The following CDC42BPA variants were observed in gnomAD, a reference collection of about 807,000 sequenced individuals.
CDC42BPA encodes the protein serine/threonine-protein kinase MRCK alpha.
CDC42BPA carries 80 observed loss-of-function variants against 223.5 expected under a neutral mutation model. That is an observed-to-expected ratio of 0.36 (90% CI 0.30 to 0.43). The LOEUF (loss-of-function observed/expected upper bound fraction) is 0.43, where lower values mean the gene tolerates loss of function less well. Among genes scored for constraint, CDC42BPA ranks in the 20% least tolerant of loss-of-function variants. CDC42BPA has a pLI of 1.00. For missense variants in CDC42BPA, 1,743 were observed against 2,099.9 expected (o/e 0.83, Z 3.32); for synonymous variants, 694 against 718.6 (o/e 0.97, Z 0.55).
At chr1:227,078,804 C>A (rs1400413623) in intron 17 of CDC42BPA, among the ~76,000 whole-genome samples, 1 of 152,086 alleles carries the variant, frequency 6.6e-6, no homozygotes, top group Non-Finnish European at 1.5e-5. Flanking sequence ...TTGAGCATTA[C>A]CTCATTTTTC....
chr1:227,238,049 A>G (rs1017639122), intron 2 of CDC42BPA, among the ~76,000 whole-genome samples: 3 of 151,360 alleles, frequency 2.0e-5, no homozygotes, highest in African/African-American at 7.3e-5. Context: ...AAAAAAAAAA[A>G]AAAAAAAAAA....
intron 34 of CDC42BPA, among the ~76,000 whole-genome samples, chr1:227,014,943 C>T (rs759055701): frequency 3.9e-5 from 6 of 152,120 alleles, no homozygotes; most frequent in Non-Finnish European, 7.4e-5. Context: ...ATTGTTAAAA[C>T]AGAATAGTTC....
chr1:227,310,839 ACC>A (rs1456556300), intron 1 of CDC42BPA, among the ~76,000 whole-genome samples: 2 of 145,786 alleles, frequency 1.4e-5, no homozygotes, highest in African/African-American at 5.1e-5. Context: ...GGCACCCGTC[ACC>A]GCGCCCGGCT....
chr1:227,064,118 C>T (rs1676494351), intron 21 of CDC42BPA, among the ~76,000 whole-genome samples: 1 of 152,136 alleles, frequency 6.6e-6, no homozygotes, highest in Admixed American at 6.6e-5. Context: ...GATACTATCT[C>T]TGTTTCTCTG....
At chr1:227,270,016 G>C (rs1422377051) in intron 1 of CDC42BPA, among the ~76,000 whole-genome samples, 1 of 152,046 alleles carries the variant, frequency 6.6e-6, no homozygotes, top group Non-Finnish European at 1.5e-5. Context: ...TGAAAAACTG[G>C]AAACTACCTA....
At position 227,100,980 on chromosome 1, in the gene CDC42BPA, T is replaced by C. The variant is rs772085386; in HGVS notation, c.2249+12A>G. On this transcript the variant is annotated intron_variant, in intron 15 of 36. Transcript: ENST00000366766. ...TAAGTATTTACTGTATAGTAAATAA[T>C]GTGATTCTTACCTTTCTCTTCTGGT... 1.4e-6 allele frequency: 2 copies of C among 1,427,632 alleles called. No individual in the cohort carries two copies. Among genetic ancestry groups the C allele is most frequent in the South Asian group, 1.2e-5 (1 of 83,488 alleles). The allele number at this position is 1,427,632 out of a possible 1,614,324, so 88.4% of individuals were successfully genotyped here.
intron 22 of CDC42BPA, among the ~76,000 whole-genome samples, chr1:227,048,752 A>AG (rs1553313426): frequency 0.18 from 17,957 of 99,806 alleles, 1,475 homozygotes; most frequent in South Asian, 0.42. Context: ...CAAAGTAGTG[A>AG]GAAAAAAAAA....
intron 15 of CDC42BPA, among the ~76,000 whole-genome samples, chr1:227,096,948 G>C (rs1316622949): frequency 6.6e-6 from 1 of 152,026 alleles, no homozygotes; most frequent in Non-Finnish European, 1.5e-5. Context: ...CTCAACAAGA[G>C]AGCTCAACAC....
chr1:227,256,938 T>TACACACAC (rs1442280387), intron 1 of CDC42BPA, among the ~76,000 whole-genome samples: 2,547 of 119,930 alleles, frequency 0.021, 35 homozygotes, highest in Middle Eastern at 0.041. Context: ...AAATGTGATA[T>TACACACAC]ATATATACAG....
chr1:227,148,214 G>T (rs72750202), intron 6 of CDC42BPA, among the ~76,000 whole-genome samples: 25,798 of 152,026 alleles, frequency 0.17, 2,334 homozygotes, highest in Non-Finnish European at 0.19. Context: ...CAGCACTTTG[G>T]GAAGCCAATG....
intron 10 of CDC42BPA, 107 bp from the exon 11 acceptor site, chr1:227,129,338 A>C (rs1656504338): frequency 2.4e-6 from 2 of 826,226 alleles, no homozygotes; most frequent in South Asian, 3.5e-5. Context: ...TTTATAGAAC[A>C]AAACATCTAC....
Position 227,080,898 on chromosome 1 carries a change from A to G in CDC42BPA, c.2475T>C (p.Ile825=). 2 of 1,613,640 alleles carry G rather than the reference A, an allele frequency of 1.2e-6. No individual in the cohort carries two copies. The highest frequency in any genetic ancestry group is 2.2e-5 in the East Asian group (1 of 44,814). ...ACGTTTAAAAGAGCACTCACCACTG[A>G]ATTATTTCTGTGATTTGGGCTTCCC... ...AHWEAQITEI[I]QWVSDEKDAR... The change falls in exon 17 of 37, where the codon ATT becomes ATC. Residue 825 remains isoleucine, a synonymous_variant. Transcript: ENST00000366766.
chr1:227,050,724 C>G (rs1336130096), intron 22 of CDC42BPA, among the ~76,000 whole-genome samples: 1 of 152,024 alleles, frequency 6.6e-6, no homozygotes, highest in East Asian at 1.9e-4. Context: ...ACATAATAAG[C>G]ACTACTATGT....
At chr1:227,016,656 C>T (rs946947520) in intron 33 of CDC42BPA, among the ~76,000 whole-genome samples, 2 of 138,218 alleles carry the variant, frequency 1.4e-5, no homozygotes, top group African/African-American at 5.5e-5. Context: ...TAGAAAGGTA[C>T]ACAATCCAAA....
chr1:227,039,092 T>A (rs750740933), intron 24 of CDC42BPA, among the ~76,000 whole-genome samples: 3 of 152,192 alleles, frequency 2.0e-5, no homozygotes, highest in Non-Finnish European at 4.4e-5. Context: ...AGTGTTTCCA[T>A]GGGAAATCAT....
At chr1:226,996,580 CG>C (rs541887037) in intron 35 of CDC42BPA, among the ~76,000 whole-genome samples, 49 of 152,138 alleles carry the variant, frequency 3.2e-4, no homozygotes, top group Admixed American at 1.9e-3. Context: ...TTTGCCCATT[CG>C]GTATGATATT....
chr1:227,181,265 GA>G lies in CDC42BPA; in HGVS notation c.599+12520del, dbSNP rs560386304. On this transcript the variant is annotated intron_variant, in intron 5 of 36. Coordinates refer to ENST00000366766, the MANE Select transcript of CDC42BPA (RefSeq NM_001394014.1). ...AAAATAGTATTTCAATTAACACAGG[GA>G]AAAAAACCCACCATTTTGTTAAAAA... Among the ~76,000 whole-genome samples the G allele has an allele frequency of 9.2e-5, 14 of 151,942 alleles. No individual in the cohort carries two copies. In the Middle Eastern group the frequency reaches 0.021, roughly 223 times the overall value.
chr1:227,262,011 G>C (rs1481025747), intron 1 of CDC42BPA, among the ~76,000 whole-genome samples: 6 of 151,784 alleles, frequency 4.0e-5, no homozygotes, highest in African/African-American at 1.5e-4. Context: ...ACTCATCCCA[G>C]AAAAATCTAC....
At chr1:227,112,589 A>G in intron 13 of CDC42BPA, 82 bp downstream of exon 13, 1 of 1,127,258 alleles carries the variant, frequency 8.9e-7, no homozygotes, top group Non-Finnish European at 1.2e-6. Flanking sequence ...ATATTTTAAA[A>G]ATTATATATT....
Sources: allele counts gnomAD v4.1 joint callset (sites outside exome capture counted in the v4.1 genomes callset), GRCh38; gene constraint gnomAD v4.1.1; transcripts MANE v1.5; gene names NCBI Gene and HGNC (gene_info 2026-07-23, HGNC 2026-07-21).